The following PDHX variants were observed in gnomAD, a reference collection of about 807,000 sequenced individuals.
PDHX encodes pyruvate dehydrogenase complex component X.
A neutral mutation model predicts 55.3 loss-of-function variants in PDHX; 33 were observed. The ratio of observed to expected loss-of-function variants is 0.60; its 90% CI spans 0.45 to 0.80. The LOEUF is 0.80. Ranked by LOEUF, PDHX falls within the 30% of genes least tolerant of loss-of-function variation. The probability of loss-of-function intolerance (pLI) is 0.00; values close to 1 mark genes in which losing one functional copy is unlikely to be tolerated. For missense variants in PDHX, 622 were observed against 619.9 expected, an observed-to-expected ratio of 1.00 and a Z score of -0.04; for synonymous variants, 226 against 219.4, an observed-to-expected ratio of 1.03 and a Z score of -0.27.
chr11:34,928,596 AG>A (rs1854082063), intron 1 of PDHX, among the ~76,000 whole-genome samples: 1 of 152,192 alleles, frequency 6.6e-6, no homozygotes, highest in Non-Finnish European at 1.5e-5. Flanking sequence ...CATGTAAAAA[AG>A]AAAAAGGCAG....
chr11:34,985,007 T>G (rs977866320), intron 9 of PDHX: 1 of 354,148 alleles, frequency 2.8e-6, no homozygotes, highest in Non-Finnish European at 5.2e-6. Flanking sequence ...TTTTCCAAAG[T>G]CCAGAATTCA....
intron 10 of PDHX, among the ~76,000 whole-genome samples, chr11:34,993,549 A>G (rs1855799757): frequency 6.6e-6 from 1 of 151,962 alleles, no homozygotes; most frequent in Admixed American, 6.6e-5. Context: ...TTGAATATTG[A>G]TTTCTCCTTT....
chr11:34,984,656 T>G lies in PDHX; in HGVS notation c.1110T>G (p.Asp370Glu). Residue 370 changes from aspartate (D) to glutamate (E), a missense_variant, in exon 9 of 11, where the codon GAT (aspartate) becomes GAG (glutamate). Transcript: ENST00000227868. ...ACATTTCAGTGGCTGTGGCAACAGA[T>G]AAAGGCTTACTTACTCCAATCATAA... ...FIDISVAVAT[D>E]KGLLTPIIKD... 1 of 1,614,044 alleles carries G rather than the reference T, an allele frequency of 6.2e-7. No homozygotes were observed. The highest frequency in any genetic ancestry group is 8.5e-7 in the Non-Finnish European group (1 of 1,179,912).
intron 8 of PDHX, among the ~76,000 whole-genome samples, chr11:34,981,248 G>A (rs1165704714): frequency 2.6e-5 from 4 of 152,088 alleles, no homozygotes; most frequent in South Asian, 4.2e-4. Context: ...ACAACATGCG[G>A]TGTTTGGTTT....
chr11:34,973,432 C>G (rs1234622348), intron 7 of PDHX, among the ~76,000 whole-genome samples: 1 of 152,104 alleles, frequency 6.6e-6, no homozygotes, highest in Admixed American at 6.5e-5. Flanking sequence ...GGATTTAAAT[C>G]TACCATTTTG....
At chr11:34,970,026 A>T in intron 6 of PDHX, 113 bp from the exon 7 acceptor site, 1 of 852,948 alleles carries the variant, frequency 1.2e-6, no homozygotes, top group Non-Finnish European at 1.9e-6. Context: ...ATCTTTAATT[A>T]ATAAGTTAGG....
At chr11:34,955,499 G>A (rs934994828) in intron 3 of PDHX, among the ~76,000 whole-genome samples, 8 of 152,066 alleles carry the variant, frequency 5.3e-5, no homozygotes, top group Non-Finnish European at 1.0e-4. Flanking sequence ...AAGTTGTATG[G>A]TTGTATATCA....
At chr11:34,924,981 A>G (rs1013863697) in intron 1 of PDHX, among the ~76,000 whole-genome samples, 5 of 152,122 alleles carry the variant, frequency 3.3e-5, no homozygotes, top group African/African-American at 1.2e-4. Flanking sequence ...TCAAATATTC[A>G]GTGTTTACAT....
intron 2 of PDHX, among the ~76,000 whole-genome samples, chr11:34,937,765 G>A (rs1854369875): frequency 6.6e-6 from 1 of 152,138 alleles, no homozygotes; most frequent in African/African-American, 2.4e-5. Context: ...TGCATTTTCT[G>A]GGAACCCACA....
intron 3 of PDHX, among the ~76,000 whole-genome samples, chr11:34,949,578 A>G (rs1854706203): frequency 6.6e-6 from 1 of 151,872 alleles, no homozygotes; most frequent in Non-Finnish European, 1.5e-5. Context: ...CAGTTATTAT[A>G]CATTTAAAGA....
At chr11:34,953,035 T>A (rs10768106) in intron 3 of PDHX, among the ~76,000 whole-genome samples, 90,934 of 151,606 alleles carry the variant, frequency 0.6, 28,771 homozygotes, top group East Asian at 0.75. Flanking sequence ...CAGGCATTCT[T>A]ATACACCAAT....
At chr11:34,939,498 TGTG>T (rs1854420481) in intron 2 of PDHX, among the ~76,000 whole-genome samples, 1 of 134,792 alleles carries the variant, frequency 7.4e-6, no homozygotes, top group Non-Finnish European at 1.6e-5. Context: ...TGTGTGTGTG[TGTG>T]TGTGCACTTG....
chr11:34,916,553 A>G (rs1853709156), upstream of PDHX: 1 of 1,519,486 alleles, frequency 6.6e-7, no homozygotes, highest in Non-Finnish European at 8.8e-7. Flanking sequence ...AGAGACCTAA[A>G]GGCACCGCTA....
At chr11:34,983,472 A>G (rs898501168) in intron 8 of PDHX, among the ~76,000 whole-genome samples, 5 of 152,172 alleles carry the variant, frequency 3.3e-5, no homozygotes, top group African/African-American at 1.2e-4. Flanking sequence ...TAGGAAAAGA[A>G]GAAGTCAAAT....
chr11:34,953,950 T>A (rs191345618), intron 3 of PDHX, among the ~76,000 whole-genome samples: 1 of 152,244 alleles, frequency 6.6e-6, no homozygotes, highest in African/African-American at 2.4e-5. Context: ...CTTCTTCCCC[T>A]CTGTATTTTA....
chr11:34,987,228 AG>A (rs1855665830), intron 9 of PDHX, among the ~76,000 whole-genome samples: 1 of 152,092 alleles, frequency 6.6e-6, no homozygotes, highest in Admixed American at 6.5e-5. Context: ...CAAAGTTACC[AG>A]AAAGGAGGGT....
intron 4 of PDHX, among the ~76,000 whole-genome samples, chr11:34,960,176 CT>C (rs1311249310): frequency 2.6e-5 from 4 of 152,060 alleles, no homozygotes; most frequent in African/African-American, 9.7e-5. Context: ...GCTCTTTCCC[CT>C]AATTAATATT....
chr11:34,990,435 T>C (rs1375887827), intron 9 of PDHX, among the ~76,000 whole-genome samples: 1 of 152,190 alleles, frequency 6.6e-6, no homozygotes, highest in African/African-American at 2.4e-5. Context: ...TGACAGGAAT[T>C]TCCTGTTGAT....
At chr11:34,920,573 C>G (rs571095260) in intron 1 of PDHX, among the ~76,000 whole-genome samples, 3 of 152,094 alleles carry the variant, frequency 2.0e-5, no homozygotes, top group African/African-American at 4.8e-5. Flanking sequence ...TTTTTGTTCT[C>G]TCTTTAAAAT....
Sources: gnomAD v4.1 joint callset for allele counts (sites outside exome capture counted in the v4.1 genomes callset) on GRCh38, gnomAD v4.1.1 for gene constraint, MANE v1.5 for transcripts, NCBI Gene and HGNC (gene_info 2026-07-23, HGNC 2026-07-21) for gene names.